The following FBXL7 variants were observed in gnomAD, a reference collection of about 807,000 sequenced individuals.
FBXL7 encodes F-box and leucine rich repeat protein 7.
Under a neutral mutation model 38.3 loss-of-function variants are expected in FBXL7, and 12 were observed. The ratio of observed to expected loss-of-function variants is 0.31; its 90% CI spans 0.20 to 0.51. The LOEUF (loss-of-function observed/expected upper bound fraction) is 0.51, where lower values mean the gene tolerates loss of function less well. Ranked by LOEUF, FBXL7 falls within the 20% of genes least tolerant of loss-of-function variation. The pLI is 0.98. For missense variants in FBXL7, 567 were observed against 676.4 expected (o/e 0.84, Z 1.79); for synonymous variants, 297 against 300.9 (o/e 0.99, Z 0.13).
chr5:15,819,880 G>A (rs1193144412), intron 2 of FBXL7, among the ~76,000 whole-genome samples: 4 of 152,136 alleles, frequency 2.6e-5, no homozygotes, highest in Non-Finnish European at 4.4e-5. Context: ...TGGTATCCCA[G>A]CTTGAGTGGT....
At chr5:15,734,231 T>C (rs1037138759) in intron 2 of FBXL7, among the ~76,000 whole-genome samples, 1 of 152,194 alleles carries the variant, frequency 6.6e-6, no homozygotes, top group Admixed American at 6.5e-5. Context: ...CACAGGCCTC[T>C]TCCTCATTCC....
rs373835685 is a variant in FBXL7, at chr5:15,928,310, A to G, written c.548A>G (p.Asn183Ser). The change falls in exon 3 of 4, where the codon AAC (asparagine) becomes AGC (serine). Residue 183 changes from asparagine to serine, a missense_variant. Asn to Ser is a conservative substitution (Grantham distance 46). Coordinates refer to ENST00000504595, the MANE Select transcript of FBXL7 (RefSeq NM_012304.5). The surrounding 1 kb of genome is among the most constrained non-coding windows in gnomAD (Gnocchi z 4.0). The stretch of plus-strand genomic sequence containing the variant: ...CGCAGACTCTGCCAGGACACCCCCA[A>G]CGTGTGTCTCATGCTGGAAACCGTA... ...LTRRLCQDTP[N>S]VCLMLETVTV... The G allele has an allele frequency of 1.2e-6, 2 of 1,613,624 alleles. No individual in the cohort carries two copies. Among genetic ancestry groups the G allele is most frequent in the Non-Finnish European group, 1.7e-6 (2 of 1,179,790 alleles).
intron 1 of FBXL7, among the ~76,000 whole-genome samples, chr5:15,577,331 G>T (rs892221305): frequency 6.6e-6 from 1 of 152,072 alleles, no homozygotes; most frequent in African/African-American, 2.4e-5. Flanking sequence ...CCAGGGGCAG[G>T]GGGGCATTTA....
intron 2 of FBXL7, among the ~76,000 whole-genome samples, chr5:15,748,448 C>T (rs1736069228): frequency 6.6e-6 from 1 of 152,160 alleles, no homozygotes; most frequent in South Asian, 2.1e-4. Context: ...ATAGGGGTTT[C>T]CCCCATACTG....
At chr5:15,547,288 T>C (rs762602053) in intron 1 of FBXL7, among the ~76,000 whole-genome samples, 2 of 152,222 alleles carry the variant, frequency 1.3e-5, no homozygotes, top group Non-Finnish European at 2.9e-5. Context: ...GAAAACTGAT[T>C]ACCTCTTGGG....
At position 15,936,362 on chromosome 5, in the gene FBXL7, C is replaced by T. The variant is rs1291944204; in HGVS notation, c.740-88C>T. The T allele has an allele frequency of 1.0e-5, 15 of 1,485,194 alleles. No individual in the cohort carries two copies. Among genetic ancestry groups the T allele is most frequent in the Non-Finnish European group, 1.4e-5 (15 of 1,109,244 alleles). 92.0% of individuals were successfully genotyped at this position (1,485,194 alleles called of 1,614,324 possible). A position where few individuals can be genotyped will look rare whatever the true frequency, so the allele number is the denominator to read the frequency against. The stretch of plus-strand genomic sequence containing the variant: ...CATCAGCCTCGGACCCAGACTTGGG[C>T]GAGGGTCAGGAATGCCCCAGGGCAT... On this transcript the variant is annotated intron_variant, in intron 3 of 3. Coordinates refer to ENST00000504595, the MANE Select transcript of FBXL7 (RefSeq NM_012304.5). This position sits in a 1 kb window ranked among gnomAD's most constrained non-coding sequence, Gnocchi z 6.0.
At chr5:15,918,851 C>G (rs1741669166) in intron 2 of FBXL7, among the ~76,000 whole-genome samples, 1 of 152,248 alleles carries the variant, frequency 6.6e-6, no homozygotes, top group South Asian at 2.1e-4. Context: ...AGCAAGAACT[C>G]TTGAGTCCTA....
chr5:15,542,289 T>C (rs571614705), intron 1 of FBXL7, among the ~76,000 whole-genome samples: 1 of 152,354 alleles, frequency 6.6e-6, no homozygotes, highest in African/African-American at 2.4e-5. Flanking sequence ...ATTTGTTTCA[T>C]TTGCTTTTCA....
intron 2 of FBXL7, among the ~76,000 whole-genome samples, chr5:15,913,709 A>C (rs1423990332): frequency 6.6e-6 from 1 of 152,258 alleles, no homozygotes; most frequent in Non-Finnish European, 1.5e-5. Flanking sequence ...AGGCAGCTAC[A>C]TAAAGTGCAA....
In FBXL7 at chr5:15,553,102, A is replaced by C. The variant is rs796346688; in HGVS notation, c.37+52389A>C. On this transcript the variant is annotated intron_variant, in intron 1 of 3. Coordinates refer to ENST00000504595, the MANE Select transcript of FBXL7 (RefSeq NM_012304.5). ...TGTCAAAAAAAAAAAACAAAAAAAA[A>C]CCCAACCAAACAAAAACCCCCAAAA... Among the ~76,000 whole-genome samples, 23 of 150,538 alleles carry C rather than the reference A, an allele frequency of 1.5e-4. 1 individual carries two copies. In the South Asian group the frequency reaches 1.9e-3, roughly 12 times the overall value.
intron 3 of FBXL7, among the ~76,000 whole-genome samples, chr5:15,931,614 G>T (rs1054510765): frequency 1.3e-5 from 2 of 152,130 alleles, no homozygotes; most frequent in African/African-American, 4.8e-5. Context: ...TGACCTACAG[G>T]AAAAATTCAA....
chr5:15,603,200 G>A (rs536141805), intron 1 of FBXL7, among the ~76,000 whole-genome samples: 14 of 152,168 alleles, frequency 9.2e-5, no homozygotes, highest in East Asian at 7.7e-4. Context: ...AGCCTAATAT[G>A]AACTGTGTCT....
intron 2 of FBXL7, among the ~76,000 whole-genome samples, chr5:15,917,401 A>T (rs376295089): frequency 6.6e-6 from 1 of 152,164 alleles, no homozygotes; most frequent in Non-Finnish European, 1.5e-5. Flanking sequence ...ACTTGAGCCC[A>T]GGAGTTCAGG....
intron 1 of FBXL7, among the ~76,000 whole-genome samples, chr5:15,577,236 C>T (rs1285052233): frequency 6.6e-6 from 1 of 152,144 alleles, no homozygotes; most frequent in African/African-American, 2.4e-5. Flanking sequence ...TCAGCGTGGC[C>T]TCTGACAATG....
At chr5:15,738,476 T>C (rs1201237361) in intron 2 of FBXL7, among the ~76,000 whole-genome samples, 1 of 152,178 alleles carries the variant, frequency 6.6e-6, no homozygotes, top group Non-Finnish European at 1.5e-5. Flanking sequence ...GCAGTTTCCC[T>C]TCTTGTTATC....
At chr5:15,811,470 A>G (rs1737856963) in intron 2 of FBXL7, among the ~76,000 whole-genome samples, 1 of 152,092 alleles carries the variant, frequency 6.6e-6, no homozygotes, top group Non-Finnish European at 1.5e-5. Context: ...CAGAAGTCAT[A>G]TTGGATTAGG....
At chr5:15,702,902 A>C (rs181434833) in intron 2 of FBXL7, among the ~76,000 whole-genome samples, 13 of 152,208 alleles carry the variant, frequency 8.5e-5, no homozygotes, top group African/African-American at 3.1e-4. Context: ...GGAAAATTAC[A>C]GTCAAAGGGG....
At chr5:15,668,812 A>T (rs1742368326) in intron 2 of FBXL7, among the ~76,000 whole-genome samples, 1 of 152,196 alleles carries the variant, frequency 6.6e-6, no homozygotes, top group South Asian at 2.1e-4. Flanking sequence ...CTAGGTCAGG[A>T]GGTATCCTTC....
chr5:15,741,320 T>C (rs1182423730), intron 2 of FBXL7, among the ~76,000 whole-genome samples: 1 of 152,238 alleles, frequency 6.6e-6, no homozygotes, highest in Non-Finnish European at 1.5e-5. Context: ...TTACCTTATA[T>C]GAAACATGAG....
Sources: gnomAD v4.1 joint callset for allele counts (sites outside exome capture counted in the v4.1 genomes callset) on GRCh38, gnomAD v4.1.1 for gene constraint, Gnocchi (gnomAD v3.1) non-coding constraint, MANE v1.5 for transcripts, NCBI Gene and HGNC (gene_info 2026-07-23, HGNC 2026-07-21) for gene names.